Variants in BLTP1 observed in about 807,000 individuals in gnomAD.
The protein encoded by BLTP1 is bridge-like lipid transfer protein family member 1.
the BLTP1 span, chr4:122,312,972 T>A: frequency 4.4e-6 from 3 of 682,670 alleles, no homozygotes; most frequent in Non-Finnish European, 5.4e-6. Flanking sequence ...TAAAAGTTGT[T>A]TCAACTTTTA....
chr4:122,178,794 A>G, the BLTP1 span, among the ~76,000 whole-genome samples: 1 of 152,180 alleles, frequency 6.6e-6, no homozygotes, highest in African/African-American at 2.4e-5. Flanking sequence ...GTTCACTGCC[A>G]TATCTCTGGT....
At chr4:122,186,720 A>G in the BLTP1 span, among the ~76,000 whole-genome samples, 31 of 152,172 alleles carry the variant, frequency 2.0e-4, no homozygotes, top group Admixed American at 3.9e-4. Context: ...GTCTACCTAC[A>G]AAATTATTCT....
At chr4:122,231,850 AAAAAG>A in the BLTP1 span, 1 of 963,418 alleles carries the variant, frequency 1.0e-6, no homozygotes, top group African/African-American at 1.8e-5. Context: ...TTCTGGTTAA[AAAAAG>A]AAAATCTGTT....
chr4:122,321,518 T>C, the BLTP1 span, among the ~76,000 whole-genome samples: 1 of 123,866 alleles, frequency 8.1e-6, no homozygotes, highest in African/African-American at 3.0e-5. Context: ...ATTAAATGTG[T>C]GCATGTGTAT....
the BLTP1 span, chr4:122,189,869 A>C: frequency 7.4e-7 from 1 of 1,344,142 alleles, no homozygotes; most frequent in Non-Finnish European, 9.6e-7. Context: ...TCTTTTCAGG[A>C]TGCTACTTGT....
chr4:122,302,894 C>A, the BLTP1 span, among the ~76,000 whole-genome samples: 1 of 152,134 alleles, frequency 6.6e-6, no homozygotes, highest in African/African-American at 2.4e-5. Context: ...GGTGAGGAAG[C>A]TGCAAAAGAA....
the BLTP1 span, chr4:122,313,942 T>A: frequency 3.7e-6 from 2 of 547,424 alleles, no homozygotes; most frequent in African/African-American, 4.1e-5. Flanking sequence ...AGATATACTT[T>A]CTATCCTTCA....
At chr4:122,283,778 G>A in the BLTP1 span, among the ~76,000 whole-genome samples, 1 of 152,076 alleles carries the variant, frequency 6.6e-6, no homozygotes, top group South Asian at 2.1e-4. Flanking sequence ...CCAAAGTGCT[G>A]GTATTACAGG....
At chr4:122,347,390 A>G in the BLTP1 span, 1 of 1,331,576 alleles carries the variant, frequency 7.5e-7, no homozygotes, top group East Asian at 2.5e-5. Flanking sequence ...ATTGCTGTAC[A>G]GCTGCTAAAT....
At chr4:122,355,243 C>G in the BLTP1 span, among the ~76,000 whole-genome samples, 1 of 151,988 alleles carries the variant, frequency 6.6e-6, no homozygotes, top group Non-Finnish European at 1.5e-5. Flanking sequence ...ATTCTAAGAC[C>G]TATAAAAGGT....
At chr4:122,290,438 T>C in the BLTP1 span, among the ~76,000 whole-genome samples, 1 of 152,126 alleles carries the variant, frequency 6.6e-6, no homozygotes, top group Non-Finnish European at 1.5e-5. Flanking sequence ...GTTAAGACTA[T>C]ATCAAGCTGG....
chr4:122,234,342 A>G, the BLTP1 span: 1 of 173,268 alleles, frequency 5.8e-6, no homozygotes, highest in African/African-American at 2.4e-5. Flanking sequence ...TAAATTTGCA[A>G]TGTGAAATAG....
At chr4:122,238,489 T>C in the BLTP1 span, 5 of 655,316 alleles carry the variant, frequency 7.6e-6, no homozygotes, top group Non-Finnish European at 1.1e-5. Flanking sequence ...TATTTTGAAA[T>C]GTCAGTTTGC....
At chr4:122,356,940 A>G in the BLTP1 span, 1 of 983,936 alleles carries the variant, frequency 1.0e-6, no homozygotes, top group Non-Finnish European at 1.2e-6. Flanking sequence ...TACAGCACCA[A>G]TGGTGTTTTA....
At chr4:122,234,582 A>G in the BLTP1 span, 8 of 220,652 alleles carry the variant, frequency 3.6e-5, no homozygotes, top group Middle Eastern at 9.5e-3. Flanking sequence ...TTGCTCTGGT[A>G]AGACTATATT....
chr4:122,323,417 T>G, the BLTP1 span, among the ~76,000 whole-genome samples: 2 of 151,812 alleles, frequency 1.3e-5, no homozygotes, highest in African/African-American at 4.8e-5. Context: ...GTTTTAAAAT[T>G]TTTTAAACCA....
the BLTP1 span, chr4:122,185,881 G>T: frequency 3.6e-6 from 1 of 274,214 alleles, no homozygotes; most frequent in Non-Finnish European, 5.6e-6. Flanking sequence ...TTTTTGGCCA[G>T]TGTTTTGTAT....
At chr4:122,330,127 T>G in the BLTP1 span, among the ~76,000 whole-genome samples, 1 of 151,854 alleles carries the variant, frequency 6.6e-6, no homozygotes, top group Admixed American at 6.6e-5. Flanking sequence ...CATTTGTCTG[T>G]CAATGGACAT....
At chr4:122,300,240 C>T in the BLTP1 span, among the ~76,000 whole-genome samples, 1 of 152,082 alleles carries the variant, frequency 6.6e-6, no homozygotes, top group Non-Finnish European at 1.5e-5. Context: ...GAACTCCTGA[C>T]CTCAGGTCAT....
Sources: gnomAD v4.1 joint callset for allele counts (sites outside exome capture counted in the v4.1 genomes callset) on GRCh38, gnomAD v4.1.1 for gene constraint, MANE v1.5 for transcripts, NCBI Gene and HGNC (gene_info 2026-07-23, HGNC 2026-07-21) for gene names.